The following AK5 variants were observed in gnomAD, a reference collection of about 807,000 sequenced individuals.
The protein encoded by AK5 is adenylate kinase isoenzyme 5.
Under a neutral mutation model 69.5 loss-of-function variants are expected in AK5, and 27 were observed. The ratio of observed to expected loss-of-function variants is 0.39; its 90% CI spans 0.29 to 0.54. The LOEUF is 0.54. AK5 is among the 20% of genes least tolerant of loss of function. The pLI is 0.71. For synonymous variants in AK5, 260 were observed against 244.4 expected (o/e 1.06, Z -0.60); for missense variants, 531 against 700.4 (o/e 0.76, Z 2.73).
At chr1:77,345,794 A>C (rs1334147525) in intron 6 of AK5, among the ~76,000 whole-genome samples, 1 of 152,126 alleles carries the variant, frequency 6.6e-6, no homozygotes, top group Non-Finnish European at 1.5e-5. Flanking sequence ...ATGCATTTCA[A>C]ATTTACCACT....
intron 5 of AK5, among the ~76,000 whole-genome samples, chr1:77,308,436 CAA>C (rs751801437): frequency 0.13 from 4,762 of 37,452 alleles, 239 homozygotes; most frequent in African/African-American, 0.32. Flanking sequence ...GACTCTGTCT[CAA>C]AAAAAAAAAA....
chr1:77,404,531 TGCCAATTAA>T, intron 6 of AK5, among the ~76,000 whole-genome samples: 1 of 152,316 alleles, frequency 6.6e-6, no homozygotes, highest in East Asian at 1.9e-4. Context: ...TAAAAATCTT[TGCCAATTAA>T]GTGGCAATTA....
At chr1:77,506,236 G>GTTGGTTGC in intron 10 of AK5, among the ~76,000 whole-genome samples, 1 of 151,868 alleles carries the variant, frequency 6.6e-6, no homozygotes, top group Admixed American at 6.5e-5. Flanking sequence ...TGGTTGGTTG[G>GTTGGTTGC]TTGGTTGGTT....
chr1:77,378,511 G>A (rs1043835248), intron 6 of AK5, among the ~76,000 whole-genome samples: 2 of 151,994 alleles, frequency 1.3e-5, no homozygotes, highest in Non-Finnish European at 2.9e-5. Context: ...GAAGAGATAG[G>A]GTTTCACCCA....
chr1:77,488,410 T>C (rs1247121453), intron 10 of AK5, among the ~76,000 whole-genome samples: 2 of 152,224 alleles, frequency 1.3e-5, no homozygotes, highest in Admixed American at 6.5e-5. Context: ...CAGAGTCTTA[T>C]ATTTTCTATT....
chr1:77,376,784 TA>T (rs565050418), intron 6 of AK5, among the ~76,000 whole-genome samples: 30 of 151,676 alleles, frequency 2.0e-4, no homozygotes, highest in Admixed American at 3.3e-4. Context: ...TACAAAAAGA[TA>T]AAAAAAATTA....
At chr1:77,302,677 C>CT (rs1557477879) in intron 5 of AK5, among the ~76,000 whole-genome samples, 1 of 152,146 alleles carries the variant, frequency 6.6e-6, no homozygotes, top group Non-Finnish European at 1.5e-5. Flanking sequence ...AGGCAGTTGG[C>CT]TTTTTTAACC....
intron 6 of AK5, among the ~76,000 whole-genome samples, chr1:77,391,654 T>C (rs1448794469): frequency 6.6e-6 from 1 of 151,402 alleles, no homozygotes; most frequent in Non-Finnish European, 1.5e-5. Context: ...AAGAAATAAA[T>C]CATAATAATA....
chr1:77,352,676 T>C lies in AK5; in HGVS notation c.891+12108T>C, dbSNP rs145098308. On this transcript the variant is annotated intron_variant, in intron 6 of 13. Coordinates refer to ENST00000354567, the MANE Select transcript of AK5 (RefSeq NM_174858.3). ...GTTTATTTGCACAAACAGCGACTGA[T>C]AAATTGAACAACTCCAAGCTGGAAG... Among the ~76,000 whole-genome samples, 4 of 152,302 alleles carry C rather than the reference T, an allele frequency of 2.6e-5. No homozygotes were observed. In the East Asian group the frequency reaches 5.8e-4, roughly 22 times the overall value.
chr1:77,451,184 T>A (rs1240889487), intron 8 of AK5, among the ~76,000 whole-genome samples: 3 of 150,754 alleles, frequency 2.0e-5, no homozygotes, highest in Non-Finnish European at 3.0e-5. Flanking sequence ...GAAAAAAAAA[T>A]AAATACATAA....
At chr1:77,405,773 TC>T (rs955427156) in intron 6 of AK5, among the ~76,000 whole-genome samples, 1 of 151,956 alleles carries the variant, frequency 6.6e-6, no homozygotes, top group African/African-American at 2.4e-5. Flanking sequence ...CCTCACTCCC[TC>T]CCCCTACCAG....
chr1:77,543,892 G>A (rs1334840727), intron 13 of AK5, among the ~76,000 whole-genome samples: 1 of 151,986 alleles, frequency 6.6e-6, no homozygotes, highest in East Asian at 1.9e-4. Context: ...GATACAGAGA[G>A]TAGACTGTAT....
In AK5 at chr1:77,378,341, A is replaced by G. The variant is rs559967204; in HGVS notation, c.892-32640A>G. Among the ~76,000 whole-genome samples the G allele has an allele frequency of 4.6e-5, 7 of 151,730 alleles. No individual in the cohort carries two copies. In the South Asian group the frequency reaches 1.5e-3, roughly 31 times the overall value. The stretch of plus-strand genomic sequence containing the variant: ...AACAGTATAATAGTATTTTTTTTTT[A>G]GATGGAGTTTCGCTTTTGTTGCCCA... On this transcript the variant is annotated intron_variant, in intron 6 of 13. Coordinates refer to ENST00000354567, the MANE Select transcript of AK5 (RefSeq NM_174858.3).
intron 13 of AK5, among the ~76,000 whole-genome samples, chr1:77,554,676 GCTCA>G (rs1414192480): frequency 1.3e-5 from 2 of 152,080 alleles, no homozygotes; most frequent in African/African-American, 2.4e-5. Context: ...CGCGATCTCA[GCTCA>G]CTGTCAGCTC....
intron 8 of AK5, among the ~76,000 whole-genome samples, chr1:77,429,002 T>A (rs1195591641): frequency 2.6e-5 from 4 of 152,220 alleles, no homozygotes; most frequent in African/African-American, 9.7e-5. Flanking sequence ...TCTATCATTG[T>A]TGGACATTTG....
chr1:77,437,948 A>C (rs924639135), intron 8 of AK5, among the ~76,000 whole-genome samples: 1 of 152,100 alleles, frequency 6.6e-6, no homozygotes, highest in African/African-American at 2.4e-5. Context: ...TCCTTCTTAG[A>C]CTATCTAGCT....
At chr1:77,432,233 T>C (rs763088589) in intron 8 of AK5, among the ~76,000 whole-genome samples, 5 of 152,230 alleles carry the variant, frequency 3.3e-5, no homozygotes, top group Non-Finnish European at 7.3e-5. Flanking sequence ...TCATTGTCCC[T>C]TGGTGCCAGG....
chr1:77,410,528 C>T (rs1044409851), intron 6 of AK5, among the ~76,000 whole-genome samples: 5 of 152,126 alleles, frequency 3.3e-5, no homozygotes, highest in African/African-American at 1.2e-4. Flanking sequence ...AACCTGCCCA[C>T]CTCGGCCTCC....
At chr1:77,558,479 G>GT in intron 13 of AK5, 123 bp from the exon 14 acceptor site, 1 of 612,170 alleles carries the variant, frequency 1.6e-6, no homozygotes, top group South Asian at 2.1e-5. Context: ...CTGTGTTTTG[G>GT]GGGGGGTCTT....
Sources: allele counts gnomAD v4.1 joint callset (sites outside exome capture counted in the v4.1 genomes callset), GRCh38; gene constraint gnomAD v4.1.1; transcripts MANE v1.5; gene names NCBI Gene and HGNC (gene_info 2026-07-23, HGNC 2026-07-21).